Variants in OSBPL5 observed in about 807,000 individuals in gnomAD.
OSBPL5 encodes oxysterol binding protein like 5.
In OSBPL5, 71 loss-of-function variants were observed where a neutral mutation model predicts 111.2. The observed-to-expected ratio is 0.64, with a 90% CI of 0.53 to 0.78. The LOEUF is 0.78. Among genes scored for constraint, OSBPL5 ranks in the 30% least tolerant of loss-of-function variants. The pLI is 0.00. For missense variants in OSBPL5, 1,210 were observed against 1,189.3 expected (o/e 1.02, Z -0.26); for synonymous variants, 549 against 513.9 (o/e 1.07, Z -0.93).
intron 1 of OSBPL5, among the ~76,000 whole-genome samples, chr11:3,147,035 C>T (rs553892452): frequency 6.6e-6 from 1 of 152,238 alleles, no homozygotes; most frequent in Non-Finnish European, 1.5e-5. Flanking sequence ...GCCGAGGCCC[C>T]AGCTCTGTCC....
At position 3,092,872 on chromosome 11, in the gene OSBPL5, G is replaced by T. The variant is rs776146202; in HGVS notation, c.2127C>A (p.Tyr709Ter). 6 of 1,539,056 alleles carry T rather than the reference G, an allele frequency of 3.9e-6. No individual in the cohort carries two copies. The highest frequency in any genetic ancestry group is 5.3e-6 in the Non-Finnish European group (6 of 1,138,172). ...AGGGCTTTGTCGGCACTCACTCCTC[G>T]TATCGGTAGTGCCACTCCTGGGTGA... is the stretch of plus-strand genomic sequence containing the variant. ...DPITQEWHYR[Y>*]EDHSPWDPLK... The change falls in exon 18 of 22, where the codon TAC (tyrosine) becomes TAA (stop). Residue 709 changes from tyrosine (Y) to a stop codon, truncating the protein, a stop_gained. Transcript: ENST00000263650. LOFTEE classifies it high-confidence loss of function. The surrounding 1 kb of genome is among the most constrained non-coding windows in gnomAD (Gnocchi z 5.4).
rs77195727 is a variant in OSBPL5, at chr11:3,107,309, C to G, written c.1013G>C (p.Arg338Pro). ...CTGCTCCACATAGGTGGTCCCTCTC[C>G]GCACCGGGGCCCCAGGGGTCTCTGA... ...DQSETPGAPV[R>P]RGTTYVEQVQ... The change falls in exon 9 of 22, where the codon CGG becomes CCG. Residue 338 changes from arginine (R) to proline (P), a missense_variant. Arg to Pro is a moderately radical substitution (Grantham distance 103). Transcript: ENST00000263650. The surrounding 1 kb of genome is among the most constrained non-coding windows in gnomAD (Gnocchi z 6.1). 2,065 of 1,613,592 alleles carry G rather than the reference C, an allele frequency of 1.3e-3. 22 individuals are homozygous for G. In the African/African-American group the frequency reaches 0.023, roughly 18 times the overall value.
chr11:3,122,043 C>G lies in OSBPL5; in HGVS notation c.356G>C (p.Ser119Thr). 2 of 1,583,254 alleles carry G rather than the reference C, an allele frequency of 1.3e-6. No homozygotes were observed. The highest frequency in any genetic ancestry group is 1.7e-6 in the Non-Finnish European group (2 of 1,169,354). ...GACCACGCTGGGGTCTGTCAGAGCG[C>G]TGAGCAGCTGCCGTGTGGCGCGCTT... The part of the protein sequence containing the change: ...EKKRATRQLL[S>T]ALTDPSVVIM... The change falls in exon 5 of 22, where the codon AGC (serine) becomes ACC (threonine). Residue 119 changes from serine (S) to threonine (T), a missense_variant. By Grantham distance (58) the Ser-to-Thr change is moderately conservative (BLOSUM62 1). Coordinates refer to ENST00000263650, the MANE Select transcript of OSBPL5 (RefSeq NM_020896.4).
chr11:3,114,057 A>C (rs1436735893), intron 7 of OSBPL5, among the ~76,000 whole-genome samples: 1 of 152,186 alleles, frequency 6.6e-6, no homozygotes, highest in East Asian at 1.9e-4. Flanking sequence ...AATTCATCAT[A>C]ATTTAGAATT....
rs755384131 is a variant in OSBPL5 at position 3,126,468 on chromosome 11, C to G, written c.219+5G>C. 6.2e-7 allele frequency: 1 copy of G among 1,608,200 alleles called. No homozygotes were observed. The highest frequency in any genetic ancestry group is 8.5e-7 in the Non-Finnish European group (1 of 1,178,418). ...TCATGGATCCTCCTATACCCAGGCTCTTACCGGTGGCACCTTCGTGGCAGA... is the reference window on the plus strand; with the variant it reads ...TCATGGATCCTCCTATACCCAGGCTGTTACCGGTGGCACCTTCGTGGCAGA... On this transcript the variant is annotated splice_donor_5th_base_variant and intron_variant, in intron 3 of 21. Transcript: ENST00000263650. The surrounding 1 kb of genome is among the most constrained non-coding windows in gnomAD (Gnocchi z 6.5).
chr11:3,087,973 C>T lies in OSBPL5; in HGVS notation c.*232G>A, dbSNP rs1856927406. ...CAGCAGAAGCTGCATTTGGCTTTAG[C>T]ATTAAGGCCAGCGCTGGGCGGAAGG... On this transcript the variant is annotated 3_prime_UTR_variant, in exon 22 of 22. Coordinates refer to ENST00000263650, the MANE Select transcript of OSBPL5 (RefSeq NM_020896.4). 5.0e-6 allele frequency: 2 copies of T among 402,420 alleles called. No individual in the cohort carries two copies. Among genetic ancestry groups the T allele is most frequent in the East Asian group, 7.5e-5 (2 of 26,830 alleles). The allele number at this position is 402,420 out of a possible 1,614,324, so 24.9% of individuals were successfully genotyped here. A position where few individuals can be genotyped will look rare whatever the true frequency, so the allele number is the denominator to read the frequency against.
At chr11:3,103,442 G>T in intron 10 of OSBPL5, 122 bp from the exon 11 acceptor site, 2 of 816,806 alleles carry the variant, frequency 2.4e-6, no homozygotes, top group Admixed American at 2.7e-5. Flanking sequence ...AGGCCACTTG[G>T]CCCAGGCGCT....
Position 3,093,438 on chromosome 11 carries a change from A to T in OSBPL5, c.1946+89T>A, listed in dbSNP as rs559084445. 1,071 of 1,541,626 alleles carry T rather than the reference A, an allele frequency of 6.9e-4. 6 individuals carry two copies. The African/African-American group carries it at 0.012, about 18-fold the overall frequency. ...TCCCTGCCAGGGACATCCTGGGGCCATGCTCACAGCACTGTAGCCCTGCTG... is the reference window on the plus strand; with the variant it reads ...TCCCTGCCAGGGACATCCTGGGGCCTTGCTCACAGCACTGTAGCCCTGCTG... On this transcript the variant is annotated intron_variant, in intron 17 of 21. Transcript: ENST00000263650.
rs961570181 is a variant in OSBPL5 at position 3,090,051 on chromosome 11, G to A, written c.2399-103C>T. Reference sequence around the variant, plus strand: ...TGGGTCACAGGGTCATATCCAGCTCGGGCCTCCACCCCACCTCATGGGAAA... The same window carrying A: ...TGGGTCACAGGGTCATATCCAGCTCAGGCCTCCACCCCACCTCATGGGAAA... On this transcript the variant is annotated intron_variant, in intron 20 of 21. Coordinates refer to ENST00000263650, the MANE Select transcript of OSBPL5 (RefSeq NM_020896.4). The A allele has an allele frequency of 1.6e-4, 131 of 833,928 alleles. 4 individuals carry two copies. In the South Asian group the frequency reaches 2.1e-3, roughly 13 times the overall value. The allele number at this position is 833,928 out of a possible 1,614,324, so 51.7% of individuals were successfully genotyped here.
rs930734353 is a variant in OSBPL5, at chr11:3,092,967, G to C, written c.2032C>G (p.Arg678Gly). The change falls in exon 18 of 22, where the codon CGG (arginine) becomes GGG (glycine). Residue 678 changes from arginine (R) to glycine (G), a missense_variant. Coordinates refer to ENST00000263650, the MANE Select transcript of OSBPL5 (RefSeq NM_020896.4). This position sits in a 1 kb window ranked among gnomAD's most constrained non-coding sequence, Gnocchi z 5.4. Reference sequence around the variant, plus strand: ...TCCTGCCGCTCACGGGCCCGCTGCCGCTGTGCCTCCTCCAGTGCAAACTTC... The same window carrying C: ...TCCTGCCGCTCACGGGCCCGCTGCCCCTGTGCCTCCTCCAGTGCAAACTTC... ...QEKFALEEAQ[R>G]QRARERQESL... is the part of the protein sequence containing the mutation. 26 of 1,598,822 alleles carry C rather than the reference G, an allele frequency of 1.6e-5. No individual in the cohort carries two copies. The Admixed American group carries it at 4.5e-4, about 28-fold the overall frequency.
At chr11:3,145,771 G>A (rs1846320877) in intron 1 of OSBPL5, among the ~76,000 whole-genome samples, 1 of 152,206 alleles carries the variant, frequency 6.6e-6, no homozygotes, top group Admixed American at 6.5e-5. Context: ...GTGGGGCCTG[G>A]CCGAACAAGA....
chr11:3,104,302 G>T lies in OSBPL5; in HGVS notation c.1135C>A (p.Arg379=), dbSNP rs141647338. 1.2e-6 allele frequency: 2 copies of T among 1,613,604 alleles called. No homozygotes were observed. Among genetic ancestry groups the T allele is most frequent in the African/African-American group, 2.7e-5 (2 of 74,940 alleles). The change falls in exon 10 of 22, where the codon CGG becomes AGG. Residue 379 remains arginine (R), a synonymous_variant. Transcript: ENST00000263650. The surrounding 1 kb of genome is among the most constrained non-coding windows in gnomAD (Gnocchi z 5.0). ...ACGCGGGACAGGTCCATGCCTGGCC[G>T]TAGCTGCTTCAGCAGGGTCCACATC... ...SLMWTLLKQL[R]PGMDLSRVVL... is the part of the protein sequence containing the mutation.
At position 3,092,538 on chromosome 11, in the gene OSBPL5, AG is replaced by A; in HGVS notation, c.2152del (p.Leu718Ter). ...TTGCTCAAACTGGGCGATGTCCTTC[AG>A]GGGGTCCCAGGGGCTGTGGCTGGAG... ...RYEDHSPWDP[L>X]KDIAQFEQDG... On this transcript the variant is annotated frameshift_variant, in exon 19 of 22. Coordinates refer to ENST00000263650, the MANE Select transcript of OSBPL5 (RefSeq NM_020896.4). LOFTEE classifies it high-confidence loss of function. The surrounding 1 kb of genome is among the most constrained non-coding windows in gnomAD (Gnocchi z 5.4). 1.3e-6 allele frequency: 2 copies of A among 1,590,456 alleles called. No homozygotes were observed. Among genetic ancestry groups the A allele is most frequent in the Non-Finnish European group, 1.7e-6 (2 of 1,168,574 alleles).
At chr11:3,145,260 C>T (rs904509857) in intron 1 of OSBPL5, among the ~76,000 whole-genome samples, 1 of 152,214 alleles carries the variant, frequency 6.6e-6, no homozygotes, top group Non-Finnish European at 1.5e-5. Flanking sequence ...ATGAACCTCC[C>T]CCAGGGCTCC....
intron 1 of OSBPL5, among the ~76,000 whole-genome samples, chr11:3,134,176 G>A (rs1038944418): frequency 3.3e-5 from 5 of 152,202 alleles, no homozygotes; most frequent in Non-Finnish European, 7.4e-5. Context: ...CTAAGGAAAT[G>A]TCCTCTTCCA....
At position 3,104,330 on chromosome 11, in the gene OSBPL5, A is replaced by G. The variant is rs1857624073; in HGVS notation, c.1107T>C (p.Ser369=). Residue 369 remains serine, a synonymous_variant, in exon 10 of 22, where the codon AGT becomes AGC. Transcript: ENST00000263650. This position sits in a 1 kb window ranked among gnomAD's most constrained non-coding sequence, Gnocchi z 5.0. ...QVETVSEENK[S]LMWTLLKQLR... ...GCTGCTTCAGCAGGGTCCACATCAG[A>G]CTCTTGTTCTCCTCTGACACTGTCT... is the stretch of plus-strand genomic sequence containing the variant. 1.2e-6 allele frequency: 2 copies of G among 1,612,846 alleles called. No individual in the cohort carries two copies. Among genetic ancestry groups the G allele is most frequent in the East Asian group, 2.2e-5 (1 of 44,850 alleles).
chr11:3,098,495 ATTTTTTTTTTTTTTT>A lies in OSBPL5; in HGVS notation c.1621+1648_1621+1662del, dbSNP rs552382553. 6.2e-5 allele frequency among the ~76,000 whole-genome samples: 5 copies of A among 81,194 alleles called. No individual in the cohort carries two copies. The South Asian group carries it at 1.5e-3, about 24-fold the overall frequency. 53.3% of individuals were successfully genotyped at this position (81,194 alleles called of 152,430 possible). On this transcript the variant is annotated intron_variant, in intron 14 of 21. Transcript: ENST00000263650. ...TCAAGCCATAAAAAGACATGAAGGA[ATTTTTTTTTTTTTTT>A]TTTTTTTTTTTGGAGATGGAGTTTC...
At chr11:3,136,789 A>AT (rs1380474977) in intron 1 of OSBPL5, among the ~76,000 whole-genome samples, 1 of 152,346 alleles carries the variant, frequency 6.6e-6, no homozygotes, top group Non-Finnish European at 1.5e-5. Flanking sequence ...GCCGCGCTGC[A>AT]TGGGGGCAGA....
rs903906290 is a variant in OSBPL5, at chr11:3,162,851, T to C, written c.-22+2365A>G. 6.6e-6 allele frequency among the ~76,000 whole-genome samples: 1 copy of C among 152,152 alleles called. No homozygotes were observed. The highest frequency in any genetic ancestry group is 2.4e-5 in the African/African-American group (1 of 41,442). On this transcript the variant is annotated intron_variant, in intron 1 of 21. Coordinates refer to ENST00000263650, the MANE Select transcript of OSBPL5 (RefSeq NM_020896.4). The surrounding 1 kb of genome is among the most constrained non-coding windows in gnomAD (Gnocchi z 8.1). ...CAGCATGAGGACATCCAGGGCAGCA[T>C]GCCTGTCCCTGTCGGGAGGCCAGTG...
Sources: gnomAD v4.1 joint callset for allele counts (sites outside exome capture counted in the v4.1 genomes callset) on GRCh38, gnomAD v4.1.1 for gene constraint, Gnocchi (gnomAD v3.1) non-coding constraint, MANE v1.5 for transcripts, NCBI Gene and HGNC (gene_info 2026-07-23, HGNC 2026-07-21) for gene names.